Variants in CFAP20DC observed in about 807,000 individuals in gnomAD.
CFAP20DC encodes protein CFAP20DC.
A neutral mutation model predicts 101.7 loss-of-function variants in CFAP20DC; 84 were observed. The ratio of observed to expected loss-of-function variants is 0.83; its 90% CI spans 0.69 to 0.99. The LOEUF is 0.99. CFAP20DC is among the 50% of genes least tolerant of loss of function. The pLI, the probability that CFAP20DC is intolerant of heterozygous loss-of-function variation, is 0.00. For synonymous variants in CFAP20DC, 359 were observed against 351.2 expected (o/e 1.02, Z -0.25); for missense variants, 1,007 against 970.3 (o/e 1.04, Z -0.50).
intron 6 of CFAP20DC, among the ~76,000 whole-genome samples, chr3:58,902,770 C>A (rs553668806): frequency 6.6e-6 from 1 of 152,264 alleles, no homozygotes; most frequent in African/African-American, 2.4e-5. Context: ...TTACATATAA[C>A]CTATGCACAT....
chr3:58,854,309 C>G (rs1230442958), intron 12 of CFAP20DC, among the ~76,000 whole-genome samples: 2 of 151,484 alleles, frequency 1.3e-5, no homozygotes, highest in South Asian at 4.2e-4. Context: ...AGGAGAACTA[C>G]AAACCACTGC....
intron 14 of CFAP20DC, among the ~76,000 whole-genome samples, chr3:58,830,701 T>C (rs984372087): frequency 2.6e-5 from 4 of 152,206 alleles, no homozygotes; most frequent in Non-Finnish European, 5.9e-5. Context: ...TCTTTAAAAA[T>C]TGTATAGCAA....
At chr3:58,958,065 AT>A (rs1283548014) in intron 4 of CFAP20DC, among the ~76,000 whole-genome samples, 1 of 152,202 alleles carries the variant, frequency 6.6e-6, no homozygotes, top group Non-Finnish European at 1.5e-5. Context: ...TGATGTAATT[AT>A]TACATATTAC....
At chr3:58,977,598 C>A (rs2092331821) in intron 4 of CFAP20DC, among the ~76,000 whole-genome samples, 1 of 151,980 alleles carries the variant, frequency 6.6e-6, no homozygotes, top group African/African-American at 2.4e-5. Context: ...AAGCAGTGCT[C>A]CCTGAAAATT....
downstream of CFAP20DC, chr3:58,737,204 G>C: frequency 2.2e-6 from 1 of 456,410 alleles, no homozygotes; most frequent in Admixed American, 2.4e-5. The surrounding 1 kb of genome is among the most constrained non-coding windows in gnomAD (Gnocchi z 4.1). Context: ...GTTACAGCCT[G>C]GTCAGGAGTG....
intron 3 of CFAP20DC, among the ~76,000 whole-genome samples, chr3:59,042,152 G>A (rs1699448766): frequency 3.3e-5 from 5 of 152,068 alleles, no homozygotes; most frequent in Admixed American, 3.3e-4. Flanking sequence ...GGGCAAGCGG[G>A]ATGGGTGTAG....
chr3:58,811,076 C>G (rs1291279093), intron 14 of CFAP20DC, among the ~76,000 whole-genome samples: 1 of 152,134 alleles, frequency 6.6e-6, no homozygotes, highest in African/African-American at 2.4e-5. Context: ...AATGGAACAA[C>G]ATTCCATGCT....
intron 13 of CFAP20DC, among the ~76,000 whole-genome samples, chr3:58,842,000 T>A (rs2077151297): frequency 6.6e-6 from 1 of 152,236 alleles, no homozygotes; most frequent in African/African-American, 2.4e-5. Flanking sequence ...GTTGCAATAT[T>A]ACCCAGAGGG....
In CFAP20DC at chr3:58,937,689, GA is replaced by G; in HGVS notation, c.351del (p.Leu118PhefsTer9). 4 of 1,612,564 alleles carry G rather than the reference GA, an allele frequency of 2.5e-6. No individual in the cohort carries two copies. The highest frequency in any genetic ancestry group is 3.4e-6 in the Non-Finnish European group (4 of 1,178,638). On this transcript the variant is annotated frameshift_variant, in exon 5 of 17. Transcript: ENST00000482387. LOFTEE classifies it high-confidence loss of function. Reference protein sequence around the residue: ...STVHKELSSTPLHAKIPLFMI... With the variant: ...STVHKELSSTXLHAKIPLFMI... ...ATGAAGAGTGGAATTTTTGCATGAA[GA>G]GGGGTGGAGGATAGTTCCTTATGGA...
At chr3:58,855,650 C>A (rs1392082252) in intron 12 of CFAP20DC, among the ~76,000 whole-genome samples, 1 of 151,920 alleles carries the variant, frequency 6.6e-6, no homozygotes, top group Non-Finnish European at 1.5e-5. Flanking sequence ...GAATACTATG[C>A]AGCCATAAAA....
chr3:58,825,527 TA>T (rs1031539277), intron 14 of CFAP20DC, among the ~76,000 whole-genome samples: 6 of 120,704 alleles, frequency 5.0e-5, no homozygotes, highest in Non-Finnish European at 1.0e-4. Flanking sequence ...TCCTGTTCCT[TA>T]AAAAAAGAAA....
At chr3:58,944,776 T>C (rs2089120336) in intron 4 of CFAP20DC, among the ~76,000 whole-genome samples, 1 of 152,136 alleles carries the variant, frequency 6.6e-6, no homozygotes, top group Admixed American at 6.5e-5. Context: ...GATCCAGTTT[T>C]CCAATAGGTT....
intron 12 of CFAP20DC, among the ~76,000 whole-genome samples, chr3:58,855,351 G>A (rs538473519): frequency 9.8e-4 from 149 of 152,266 alleles, no homozygotes; most frequent in African/African-American, 2.9e-3. Context: ...GTGCTGGAGA[G>A]GATGTGGAGA....
At position 59,014,727 on chromosome 3, in the gene CFAP20DC, G is replaced by A. The variant is rs943195090; in HGVS notation, c.278+24830C>T. 1.3e-5 allele frequency among the ~76,000 whole-genome samples: 2 copies of A among 152,118 alleles called. No homozygotes were observed. Among genetic ancestry groups the A allele is most frequent in the Non-Finnish European group, 2.9e-5 (2 of 68,006 alleles). On this transcript the variant is annotated intron_variant, in intron 4 of 16. Transcript: ENST00000482387. This position sits in a 1 kb window ranked among gnomAD's most constrained non-coding sequence, Gnocchi z 4.9. ...TAACCCTCAATTATCTGCATTAATT[G>A]TGGAAGTCAGTAGTACTACATATGG...
intron 4 of CFAP20DC, among the ~76,000 whole-genome samples, chr3:59,010,318 C>A (rs1172919508): frequency 2.0e-5 from 3 of 151,972 alleles, no homozygotes; most frequent in Non-Finnish European, 4.4e-5. Context: ...AGAGACTTAC[C>A]TAACACATAA....
At chr3:58,762,150 C>A (rs2069682150) in intron 15 of CFAP20DC, among the ~76,000 whole-genome samples, 1 of 152,050 alleles carries the variant, frequency 6.6e-6, no homozygotes, top group Non-Finnish European at 1.5e-5. Context: ...TAAAGTCTCC[C>A]ATTATTATTG....
chr3:58,745,613 A>G (rs1292912012), intron 16 of CFAP20DC, among the ~76,000 whole-genome samples: 1 of 152,226 alleles, frequency 6.6e-6, no homozygotes, highest in Non-Finnish European at 1.5e-5. Flanking sequence ...GACACTGGTA[A>G]TATGCATAAC....
intron 15 of CFAP20DC, among the ~76,000 whole-genome samples, chr3:58,758,875 T>C (rs2069230735): frequency 6.6e-6 from 1 of 152,164 alleles, no homozygotes; most frequent in Non-Finnish European, 1.5e-5. Flanking sequence ...ACTCATCCTT[T>C]TTTATGGCTG....
chr3:58,810,465 C>A (rs116279774), intron 14 of CFAP20DC, among the ~76,000 whole-genome samples: 35 of 152,130 alleles, frequency 2.3e-4, no homozygotes, highest in African/African-American at 7.9e-4. Context: ...CATCATAATC[C>A]CAATAGATGC....
Sources: gnomAD v4.1 joint callset for allele counts (sites outside exome capture counted in the v4.1 genomes callset) on GRCh38, gnomAD v4.1.1 for gene constraint, Gnocchi (gnomAD v3.1) non-coding constraint, MANE v1.5 for transcripts, NCBI Gene and HGNC (gene_info 2026-07-23, HGNC 2026-07-21) for gene names.